Variants in SNAP91 observed in about 807,000 individuals in gnomAD.
The protein encoded by SNAP91 is synaptosome associated protein 91.
In SNAP91, 27 loss-of-function variants were observed where a neutral mutation model predicts 100.3. The observed-to-expected ratio is 0.27, with a 90% CI of 0.20 to 0.37. The LOEUF is 0.37. SNAP91 is among the 10% of genes least tolerant of loss of function. SNAP91 has a pLI of 1.00. For missense variants in SNAP91, 986 were observed against 1,123.7 expected, an observed-to-expected ratio of 0.88 and a Z score of 1.75; for synonymous variants, 404 against 398.6, an observed-to-expected ratio of 1.01 and a Z score of -0.16.
chr6:83,561,639 A>T (rs928278835), intron 26 of SNAP91, among the ~76,000 whole-genome samples: 1 of 152,150 alleles, frequency 6.6e-6, no homozygotes, highest in Non-Finnish European at 1.5e-5. Context: ...TCCTATCATT[A>T]TATCCTCTAA....
Position 83,623,309 on chromosome 6 carries a change from G to A in SNAP91, c.799C>T (p.Leu267Phe), listed in dbSNP as rs749414698. The A allele has an allele frequency of 7.5e-6, 12 of 1,607,540 alleles. No individual in the cohort carries two copies. The highest frequency in any genetic ancestry group is 1.6e-4 in the Middle Eastern group (1 of 6,062). ...CTGGGAGAGTTGCTTACCTGTGTGA[G>A]GTCAGGAATGTCACCTTTATCAATA... Reference protein sequence around the residue: ...VGIDKGDIPDLTQAPSSLMET... With the variant: ...VGIDKGDIPDFTQAPSSLMET... The change falls in exon 9 of 30, where the codon CTC (leucine) becomes TTC (phenylalanine). Residue 267 changes from leucine to phenylalanine, a missense_variant. Leu to Phe is a conservative substitution (Grantham distance 22). Around this residue, in one of 4 missense-constraint regions of SNAP91, gnomAD observed 330 missense variants for 447.5 expected, o/e 0.74. Coordinates refer to ENST00000369694, the MANE Select transcript of SNAP91 (RefSeq NM_001242792.2).
In SNAP91 at chr6:83,607,758, A is replaced by G. The variant is rs748884681; in HGVS notation, c.963T>C (p.Thr321=). The G allele has an allele frequency of 1.3e-6, 2 of 1,596,502 alleles. No individual in the cohort carries two copies. The highest frequency in any genetic ancestry group is 1.7e-6 in the Non-Finnish European group (2 of 1,171,300). The change falls in exon 13 of 30, where the codon ACT becomes ACC. Residue 321 remains threonine, a synonymous_variant. Coordinates refer to ENST00000369694, the MANE Select transcript of SNAP91 (RefSeq NM_001242792.2). ...AATCAACCGGTGGGGATGTGTCAAT[A>G]GTTTTAGCTGGTGTAGAATTAGGAG... ...VTSPNSTPAK[T]IDTSPPVDLF... is the part of the protein sequence containing the mutation.
intron 2 of SNAP91, among the ~76,000 whole-genome samples, chr6:83,675,181 A>G (rs1461939609): frequency 3.3e-5 from 5 of 152,248 alleles, no homozygotes; most frequent in Admixed American, 3.3e-4. Flanking sequence ...CTAAGCTTAT[A>G]GAGATAAAGG....
At chr6:83,642,992 T>G (rs2097772224) in intron 7 of SNAP91, among the ~76,000 whole-genome samples, 1 of 152,274 alleles carries the variant, frequency 6.6e-6, no homozygotes, top group Non-Finnish European at 1.5e-5. Context: ...CGTCTTCTTT[T>G]GAGAAGTGTC....
intron 2 of SNAP91, among the ~76,000 whole-genome samples, chr6:83,694,133 T>C (rs116403388): frequency 4.5e-4 from 69 of 152,370 alleles, no homozygotes; most frequent in African/African-American, 1.6e-3. Context: ...ATGGGCATGA[T>C]AGAATGAATG....
At chr6:83,611,421 C>G in intron 11 of SNAP91, 1 of 455,634 alleles carries the variant, frequency 2.2e-6, no homozygotes, top group Non-Finnish European at 4.4e-6. Flanking sequence ...TCAGAAATAA[C>G]TGCCAGAACA....
chr6:83,647,228 G>A (rs568504153), intron 7 of SNAP91, among the ~76,000 whole-genome samples: 2 of 152,158 alleles, frequency 1.3e-5, no homozygotes, highest in South Asian at 2.1e-4. Flanking sequence ...CCAGTAGGAT[G>A]GTGAAAAGCA....
At chr6:83,626,203 G>A (rs573222967) in intron 8 of SNAP91, among the ~76,000 whole-genome samples, 1 of 152,074 alleles carries the variant, frequency 6.6e-6, no homozygotes, top group Admixed American at 6.6e-5. Flanking sequence ...TCTCTATTCT[G>A]TTCCACTGTT....
In SNAP91 at chr6:83,607,776, A is replaced by T; in HGVS notation, c.945T>A (p.Asn315Lys). ...SSPATTVTSPNSTPAKTIDTS... is the reference protein window; with the variant it reads ...SSPATTVTSPKSTPAKTIDTS... Reference sequence around the variant, plus strand: ...TGTCAATAGTTTTAGCTGGTGTAGAATTAGGAGACGTAACAGTTGTGGCTG... The same window carrying T: ...TGTCAATAGTTTTAGCTGGTGTAGATTTAGGAGACGTAACAGTTGTGGCTG... The change falls in exon 13 of 30, where the codon AAT (asparagine) becomes AAA (lysine). Residue 315 changes from asparagine (N) to lysine (K), a missense_variant. Asn to Lys is a moderately conservative substitution (Grantham distance 94). Around this residue, in one of 4 missense-constraint regions of SNAP91, gnomAD observed 330 missense variants for 447.5 expected, o/e 0.74. Coordinates refer to ENST00000369694, the MANE Select transcript of SNAP91 (RefSeq NM_001242792.2). The T allele has an allele frequency of 6.3e-7, 1 of 1,593,008 alleles. No individual in the cohort carries two copies. Among genetic ancestry groups the T allele is most frequent in the Non-Finnish European group, 8.6e-7 (1 of 1,169,450 alleles).
At chr6:83,562,024 C>G (rs1788643110) in intron 26 of SNAP91, among the ~76,000 whole-genome samples, 1 of 151,840 alleles carries the variant, frequency 6.6e-6, no homozygotes, top group Non-Finnish European at 1.5e-5. Flanking sequence ...GACCCTGTCT[C>G]TAAAAAAACA....
intron 26 of SNAP91, among the ~76,000 whole-genome samples, chr6:83,563,938 C>T (rs868650411): frequency 6.6e-6 from 1 of 152,166 alleles, no homozygotes; most frequent in Non-Finnish European, 1.5e-5. Context: ...CAAATTGCTA[C>T]ACAGATTCAA....
chr6:83,604,473 A>G (rs915469709), intron 14 of SNAP91, among the ~76,000 whole-genome samples: 1 of 152,180 alleles, frequency 6.6e-6, no homozygotes, highest in Non-Finnish European at 1.5e-5. Context: ...ATTATTTCAG[A>G]ACTGGTTATC....
At chr6:83,598,714 AAAATGGCCACACAAAATGGCC>A (rs1407889036) in intron 16 of SNAP91, among the ~76,000 whole-genome samples, 3 of 152,204 alleles carry the variant, frequency 2.0e-5, no homozygotes, top group Admixed American at 6.5e-5. Context: ...AAATATTTAA[AAAATGGCCACACAAAATGGCC>A]AAAGAGATTT....
At chr6:83,584,113 T>C (rs1041981424) in intron 22 of SNAP91, among the ~76,000 whole-genome samples, 5 of 152,210 alleles carry the variant, frequency 3.3e-5, no homozygotes, top group East Asian at 1.9e-4. Flanking sequence ...TTTAGGAAGA[T>C]TGGTGGCTGT....
At chr6:83,589,238 A>C (rs1017905755) in intron 22 of SNAP91, among the ~76,000 whole-genome samples, 2 of 152,186 alleles carry the variant, frequency 1.3e-5, no homozygotes, top group Admixed American at 6.5e-5. Flanking sequence ...TTGGAAGCTG[A>C]TATAAGAATA....
chr6:83,580,598 C>G lies in SNAP91; in HGVS notation c.2151G>C (p.Val717=). The part of the protein sequence containing the change: ...TSSSSSFDPS[V]FDGLGDLLMP... ...TCAAAAGATCACCTAGACCATCAAA[C>G]ACTGGAAATCAAATAGACTAGGTTC... The change falls in exon 24 of 30, where the codon GTG becomes GTC. Residue 717 remains valine, a splice_region_variant and synonymous_variant. Transcript: ENST00000369694. The G allele has an allele frequency of 6.3e-7, 1 of 1,599,942 alleles. No individual in the cohort carries two copies. The highest frequency in any genetic ancestry group is 1.1e-5 in the South Asian group (1 of 87,650).
chr6:83,640,190 A>G (rs2097634821), intron 8 of SNAP91, among the ~76,000 whole-genome samples: 1 of 152,170 alleles, frequency 6.6e-6, no homozygotes, highest in African/African-American at 2.4e-5. Context: ...TGTGACAATT[A>G]TTACTTCTAT....
At chr6:83,657,677 T>C (rs1227628536) in intron 6 of SNAP91, among the ~76,000 whole-genome samples, 2 of 152,200 alleles carry the variant, frequency 1.3e-5, no homozygotes, top group African/African-American at 2.4e-5. Context: ...ATCTTTGTTG[T>C]AGGCAACTAC....
intron 1 of SNAP91, 165 bp from the exon 2 acceptor site, chr6:83,708,122 C>A (rs372717564): frequency 2.4e-5 from 14 of 590,692 alleles, no homozygotes; most frequent in African/African-American, 2.3e-4. Context: ...TCCTGCGATG[C>A]GGTCCAGGGA....
Sources: gnomAD v4.1 joint callset for allele counts (sites outside exome capture counted in the v4.1 genomes callset) on GRCh38, gnomAD v4.1.1 for gene constraint, gnomAD v4.1.1 regional missense constraint, MANE v1.5 for transcripts, NCBI Gene and HGNC (gene_info 2026-07-23, HGNC 2026-07-21) for gene names.